Variants in TAMM41 observed in about 807,000 individuals in gnomAD.
TAMM41 encodes TAM41 mitochondrial translocator assembly and maintenance homolog, also known as phosphatidate cytidylyltransferase, mitochondrial.
Under a neutral mutation model 44.1 loss-of-function variants are expected in TAMM41, and 36 were observed. The observed-to-expected ratio is 0.82, with a 90% confidence interval of 0.63 to 1.08. The LOEUF (loss-of-function observed/expected upper bound fraction) is 1.08, where lower values mean the gene tolerates loss of function less well. Among genes scored for constraint, TAMM41 ranks in the 50% least tolerant of loss-of-function variants. TAMM41 has a pLI of 0.00. For synonymous variants in TAMM41, 164 were observed against 153.1 expected, an observed-to-expected ratio of 1.07 and a Z score of -0.53; for missense variants, 417 against 404.3, an observed-to-expected ratio of 1.03 and a Z score of -0.27.
At chr3:11,795,841 G>A (rs1465272951) in intron 7 of TAMM41, among the ~76,000 whole-genome samples, 1 of 152,206 alleles carries the variant, frequency 6.6e-6, no homozygotes, top group Admixed American at 6.5e-5. Flanking sequence ...TTTGAGATGT[G>A]AGGTCATCTG....
At chr3:11,825,732 G>A (rs771373769) in intron 4 of TAMM41, among the ~76,000 whole-genome samples, 7 of 152,024 alleles carry the variant, frequency 4.6e-5, no homozygotes, top group Admixed American at 2.0e-4. Context: ...GACCTTAACC[G>A]GCCAGATGAA....
chr3:11,789,084 G>A (rs995109742), downstream of TAMM41, among the ~76,000 whole-genome samples: 3 of 152,198 alleles, frequency 2.0e-5, no homozygotes, highest in African/African-American at 7.2e-5. Context: ...TGTTCTACAG[G>A]GGTGAGTGCA....
Position 11,797,798 on chromosome 3 carries a change from G to GA in TAMM41, c.938-7218dup, listed in dbSNP as rs1309179699. ...ATAAAGAACCTAAACAAATTTACAA[G>GA]AAAAAAAACAAACAGCCCCATTACA... is the stretch of plus-strand genomic sequence containing the variant. On this transcript the variant is annotated intron_variant, in intron 7 of 7. Coordinates refer to ENST00000455809, the MANE Select transcript of TAMM41 (RefSeq NM_001284401.2). Among the ~76,000 whole-genome samples, 8 of 151,338 alleles carry GA rather than the reference G, an allele frequency of 5.3e-5. 1 individual carries two copies. Among genetic ancestry groups the GA allele is most frequent in the African/African-American group, 1.5e-4 (6 of 41,228 alleles).
At chr3:11,823,789 T>A (rs2078627245) in intron 4 of TAMM41, among the ~76,000 whole-genome samples, 1 of 150,332 alleles carries the variant, frequency 6.7e-6, no homozygotes, top group South Asian at 2.1e-4. Flanking sequence ...GCCTCCCTAG[T>A]AGCTGGGACT....
intron 7 of TAMM41, among the ~76,000 whole-genome samples, chr3:11,795,440 A>T (rs2077582255): frequency 6.6e-6 from 1 of 152,128 alleles, no homozygotes; most frequent in South Asian, 2.1e-4. Context: ...AAACACGGCA[A>T]ATCTTTCCTG....
chr3:11,758,952 G>A, the TAMM41 span, among the ~76,000 whole-genome samples: 5 of 152,262 alleles, frequency 3.3e-5, no homozygotes, highest in Admixed American at 6.5e-5. Flanking sequence ...GATTATAGGC[G>A]TGAGCCACCT....
chr3:11,766,864 C>T, the TAMM41 span, among the ~76,000 whole-genome samples: 1 of 152,092 alleles, frequency 6.6e-6, no homozygotes, highest in East Asian at 1.9e-4. Context: ...CCACTGCATC[C>T]GACCTAGAGT....
At chr3:11,845,822 T>C (rs2079658127) in intron 1 of TAMM41, among the ~76,000 whole-genome samples, 3 of 152,188 alleles carry the variant, frequency 2.0e-5, no homozygotes, top group Admixed American at 2.0e-4. Context: ...GTACCCTTAC[T>C]GAGGCTGTGC....
chr3:11,782,122 GGCATGGCCCAAA>G, the TAMM41 span, among the ~76,000 whole-genome samples: 1 of 152,330 alleles, frequency 6.6e-6, no homozygotes, highest in Non-Finnish European at 1.5e-5. Context: ...ACATCCTGCA[GGCATGGCCCAAA>G]GATGGGGTGT....
At chr3:11,747,855 A>G in the TAMM41 span, among the ~76,000 whole-genome samples, 1 of 147,522 alleles carries the variant, frequency 6.8e-6, no homozygotes, top group Non-Finnish European at 1.5e-5. Flanking sequence ...ATTCAAGTCT[A>G]TTCAATATTT....
chr3:11,745,158 C>T, the TAMM41 span, among the ~76,000 whole-genome samples: 2 of 152,080 alleles, frequency 1.3e-5, no homozygotes, highest in African/African-American at 2.4e-5. Flanking sequence ...CCACCACACC[C>T]GGCCTACAAA....
At chr3:11,785,896 G>A (rs1005953765), downstream of TAMM41, among the ~76,000 whole-genome samples, 1 of 152,184 alleles carries the variant, frequency 6.6e-6, no homozygotes, top group African/African-American at 2.4e-5. Context: ...TGGGATTACA[G>A]GTGTTAGCCA....
intron 1 of TAMM41, 96 bp downstream of exon 1, chr3:11,846,406 G>A (rs945361751): frequency 7.0e-7 from 1 of 1,419,428 alleles, no homozygotes; most frequent in Non-Finnish European, 9.8e-7. Context: ...GGAGTGTGCA[G>A]AGCGGACAGG....
the TAMM41 span, among the ~76,000 whole-genome samples, chr3:11,740,214 T>A: frequency 6.6e-6 from 1 of 152,180 alleles, no homozygotes; most frequent in African/African-American, 2.4e-5. Flanking sequence ...AAGATGCGTG[T>A]CATTACTGCT....
the TAMM41 span, among the ~76,000 whole-genome samples, chr3:11,777,517 G>A: frequency 6.6e-6 from 1 of 152,214 alleles, no homozygotes; most frequent in South Asian, 2.1e-4. Flanking sequence ...CAGCAGGCCG[G>A]GTGCGGTGGC....
chr3:11,725,426 T>TTCTTC, the TAMM41 span, among the ~76,000 whole-genome samples: 1 of 78,344 alleles, frequency 1.3e-5, no homozygotes, highest in African/African-American at 6.6e-5. Flanking sequence ...TCTTCTTCTT[T>TTCTTC]CCTCCTCCTC....
the TAMM41 span, among the ~76,000 whole-genome samples, chr3:11,732,508 T>G: frequency 6.6e-6 from 1 of 152,168 alleles, no homozygotes; most frequent in African/African-American, 2.4e-5. Context: ...CCAGGAAACA[T>G]AATTTAAGTC....
the TAMM41 span, among the ~76,000 whole-genome samples, chr3:11,783,558 C>A: frequency 1.3e-5 from 2 of 152,210 alleles, no homozygotes; most frequent in Non-Finnish European, 1.5e-5. Context: ...TTAAGGAATT[C>A]TAGCCACAAA....
At chr3:11,759,186 A>T in the TAMM41 span, among the ~76,000 whole-genome samples, 1 of 152,130 alleles carries the variant, frequency 6.6e-6, no homozygotes, top group Non-Finnish European at 1.5e-5. Flanking sequence ...ATTAAAAAAA[A>T]ATTTGTCAGA....
Sources: gnomAD v4.1 joint callset for allele counts (sites outside exome capture counted in the v4.1 genomes callset) on GRCh38, gnomAD v4.1.1 for gene constraint, MANE v1.5 for transcripts, NCBI Gene and HGNC (gene_info 2026-07-23, HGNC 2026-07-21) for gene names.